The following SLC44A2 variants were observed in gnomAD, a reference collection of about 807,000 sequenced individuals.
SLC44A2 encodes the protein choline transporter-like protein 2.
In SLC44A2, 57 loss-of-function variants were observed where a neutral mutation model predicts 90.8. The ratio of observed to expected loss-of-function variants is 0.63; its 90% CI spans 0.51 to 0.78. SLC44A2 has a LOEUF of 0.78. SLC44A2 is among the 30% of genes least tolerant of loss of function. The pLI is 0.00. For synonymous variants in SLC44A2, 355 were observed against 360.7 expected (o/e 0.98, Z 0.18); for missense variants, 794 against 919.7 (o/e 0.86, Z 1.77).
chr19:10,638,554 C>T (rs1044728013), intron 20 of SLC44A2, among the ~76,000 whole-genome samples: 5 of 152,136 alleles, frequency 3.3e-5, no homozygotes, highest in African/African-American at 9.7e-5. Flanking sequence ...AGCGAATTCT[C>T]GAGCTTTTGC....
chr19:10,602,639 A>T, intron 1 of SLC44A2: 1 of 1,196,726 alleles, frequency 8.4e-7, no homozygotes, highest in Non-Finnish European at 1.1e-6. Context: ...GACATCTGAG[A>T]CCCTAGGCAC....
At chr19:10,641,861 GAA>G (rs893962170) in intron 20 of SLC44A2, among the ~76,000 whole-genome samples, 1 of 120,214 alleles carries the variant, frequency 8.3e-6, no homozygotes. Context: ...CTCAAAAAAA[GAA>G]AAAAAAAAAA....
intron 20 of SLC44A2, among the ~76,000 whole-genome samples, chr19:10,639,547 G>T (rs889407813): frequency 2.0e-5 from 3 of 152,062 alleles, no homozygotes; most frequent in Non-Finnish European, 4.4e-5. Context: ...GTGGGAGTGT[G>T]CCAGGAAGCA....
At position 10,636,734 on chromosome 19, in the gene SLC44A2, G is replaced by T; in HGVS notation, c.1569G>T (p.Glu523Asp). ...AIVQIIRVIL[E>D]YLDQRLKAAE... ...TGCAGATCATCCGTGTGATACTCGA[G>T]TACCTGGATCAGCGGCTGAAAGGTA... The change falls in exon 16 of 22, where the codon GAG becomes GAT. Residue 523 changes from glutamate to aspartate, a missense_variant. Around this residue, in one of 3 missense-constraint regions of SLC44A2, gnomAD observed 738 missense variants for 841.1 expected, o/e 0.88. Coordinates refer to ENST00000335757, the MANE Select transcript of SLC44A2 (RefSeq NM_020428.4). 1 of 1,613,970 alleles carries T rather than the reference G, an allele frequency of 6.2e-7. No individual in the cohort carries two copies. The highest frequency in any genetic ancestry group is 1.1e-5 in the South Asian group (1 of 91,044).
chr19:10,637,461 G>C, intron 16 of SLC44A2, 183 bp from the exon 17 acceptor site: 1 of 602,388 alleles, frequency 1.7e-6, no homozygotes, highest in Non-Finnish European at 3.0e-6. Flanking sequence ...ACCCAGGCTG[G>C]AGTGCAGTGG....
At position 10,632,290 on chromosome 19, in the gene SLC44A2, A is replaced by G. The variant is rs1022055097; in HGVS notation, c.823+134A>G. 7.1e-6 allele frequency: 5 copies of G among 704,170 alleles called. No individual in the cohort carries two copies. In the East Asian group the frequency reaches 1.1e-4, roughly 16 times the overall value. 43.6% of individuals were successfully genotyped at this position (704,170 alleles called of 1,614,324 possible). On this transcript the variant is annotated intron_variant, in intron 10 of 21. Coordinates refer to ENST00000335757, the MANE Select transcript of SLC44A2 (RefSeq NM_020428.4). ...GGTGGCTCACGCCTGTAATCCCAGC[A>G]CTTTGGGAGGCCGAGGCAGGCAGAT... is the stretch of plus-strand genomic sequence containing the variant.
chr19:10,636,974 G>C, intron 16 of SLC44A2: 1 of 566,268 alleles, frequency 1.8e-6, no homozygotes. Context: ...GCTGTTGAGG[G>C]GACAGGCCCA....
Position 10,634,876 on chromosome 19 carries a change from G to A in SLC44A2, c.944G>A (p.Trp315Ter). 1 of 1,614,188 alleles carries A rather than the reference G, an allele frequency of 6.2e-7. No homozygotes were observed. ...GTGTACCTGCACTTACGGCAGACCTGGTTGGCCTTTAGTGAGTCACAGTCT... is the reference window on the plus strand; with the variant it reads ...GTGTACCTGCACTTACGGCAGACCTAGTTGGCCTTTAGTGAGTCACAGTCT... ...FRVYLHLRQT[W>*]LAFMIILSIL... Residue 315 changes from tryptophan (W) to a stop codon, truncating the protein, a stop_gained, in exon 11 of 22, where the codon TGG (tryptophan) becomes TAG (stop). Transcript: ENST00000335757. LOFTEE classifies it high-confidence loss of function.
In SLC44A2 at chr19:10,643,579, A is replaced by T. The variant is rs1026409572; in HGVS notation, c.*194A>T. On this transcript the variant is annotated 3_prime_UTR_variant, in exon 22 of 22. Transcript: ENST00000335757. ...CCTTCTTATGCCAAGGGGCGCTTGGAGTTTTCATGGCTGCCCCTCCAGACT... is the reference window on the plus strand; with the variant it reads ...CCTTCTTATGCCAAGGGGCGCTTGGTGTTTTCATGGCTGCCCCTCCAGACT... The T allele has an allele frequency of 5.1e-6, 3 of 588,130 alleles. No homozygotes were observed. The highest frequency in any genetic ancestry group is 6.8e-5 in the Admixed American group (2 of 29,264). The allele number at this position is 588,130 out of a possible 1,614,324, so 36.4% of individuals were successfully genotyped here.
At position 10,626,233 on chromosome 19, in the gene SLC44A2, T is replaced by G. The variant is rs376560249; in HGVS notation, c.38-20T>G. 64 of 1,608,530 alleles carry G rather than the reference T, an allele frequency of 4.0e-5. No individual in the cohort carries two copies. In the African/African-American group the frequency reaches 8.1e-4, roughly 20 times the overall value. ...GTTCAGGTCTCCAATCCCATCCATC[T>G]TAATCTTCTTGACTTTCAGGAACGC... On this transcript the variant is annotated intron_variant, in intron 1 of 21. Coordinates refer to ENST00000335757, the MANE Select transcript of SLC44A2 (RefSeq NM_020428.4).
Position 10,634,753 on chromosome 19 carries a change from C to T in SLC44A2, c.824-3C>T. ...GGACTGAGCTTGTGGTTCCCCCATGCAGGAATATTTCACTGCTACATGGAG... is the reference window on the plus strand; with the variant it reads ...GGACTGAGCTTGTGGTTCCCCCATGTAGGAATATTTCACTGCTACATGGAG... On this transcript the variant is annotated splice_polypyrimidine_tract_variant and splice_region_variant and intron_variant, in intron 10 of 21. Transcript: ENST00000335757. 1 of 1,614,172 alleles carries T rather than the reference C, an allele frequency of 6.2e-7. No homozygotes were observed. Among genetic ancestry groups the T allele is most frequent in the Non-Finnish European group, 8.5e-7 (1 of 1,180,026 alleles).
At chr19:10,605,178 C>T (rs573705835) in intron 1 of SLC44A2, among the ~76,000 whole-genome samples, 2 of 151,858 alleles carry the variant, frequency 1.3e-5, no homozygotes, top group African/African-American at 2.4e-5. Flanking sequence ...GTCAGGAGAT[C>T]GAGACAATCC....
At chr19:10,633,603 G>T (rs945145572) in intron 10 of SLC44A2, among the ~76,000 whole-genome samples, 2 of 152,046 alleles carry the variant, frequency 1.3e-5, no homozygotes, top group Non-Finnish European at 2.9e-5. Flanking sequence ...CCACAGGCAA[G>T]CACCATCATG....
intron 5 of SLC44A2, 39 bp from the exon 6 acceptor site, chr19:10,631,236 G>A: frequency 1.2e-6 from 2 of 1,610,074 alleles, no homozygotes; most frequent in Non-Finnish European, 1.7e-6. Flanking sequence ...TGAGCAGTCT[G>A]CCCCAACTCC....
At position 10,635,173 on chromosome 19, in the gene SLC44A2, T is replaced by C; in HGVS notation, c.1066T>C (p.Tyr356His). 2 of 1,614,044 alleles carry C rather than the reference T, an allele frequency of 1.2e-6. No individual in the cohort carries two copies. The highest frequency in any genetic ancestry group is 1.7e-6 in the Non-Finnish European group (2 of 1,180,006). Residue 356 changes from tyrosine to histidine, a missense_variant, in exon 13 of 22, where the codon TAC (tyrosine) becomes CAC (histidine). By Grantham distance (83) the Tyr-to-His change is moderately conservative. Coordinates refer to ENST00000335757, the MANE Select transcript of SLC44A2 (RefSeq NM_020428.4). Reference sequence around the variant, plus strand: ...TCTGCTCTTCCCTAGGGCTGTGGGATACGTCATGTGCTCCTTGCTCTACCC... The same window carrying C: ...TCTGCTCTTCCCTAGGGCTGTGGGACACGTCATGTGCTCCTTGCTCTACCC... ...LIKEASRAVG[Y>H]VMCSLLYPLV... is the part of the protein sequence containing the mutation.
chr19:10,633,551 G>A (rs2067019732), intron 10 of SLC44A2, among the ~76,000 whole-genome samples: 2 of 152,080 alleles, frequency 1.3e-5, no homozygotes, highest in African/African-American at 4.8e-5. Context: ...GACCTCCTGG[G>A]CTCAAGTGAT....
intron 4 of SLC44A2, among the ~76,000 whole-genome samples, chr19:10,628,876 G>A (rs1440584556): frequency 6.6e-6 from 1 of 151,964 alleles, no homozygotes; most frequent in Non-Finnish European, 1.5e-5. Context: ...ACCCTCATGG[G>A]GCTATTTTGA....
intron 1 of SLC44A2, 97 bp from the exon 2 acceptor site, chr19:10,626,156 G>C (rs2066930924): frequency 2.0e-6 from 2 of 983,708 alleles, no homozygotes; most frequent in Admixed American, 3.6e-5. Flanking sequence ...TCTTGCCAAG[G>C]CAAAGACACC....
At chr19:10,625,764 A>G (rs2144839820) in intron 1 of SLC44A2, 94 bp downstream of exon 1, 1 of 1,092,590 alleles carries the variant, frequency 9.2e-7, no homozygotes, top group Non-Finnish European at 1.2e-6. Context: ...AGGGGGCTGG[A>G]GGGGGAGCGC....
Sources: allele counts gnomAD v4.1 joint callset (sites outside exome capture counted in the v4.1 genomes callset), GRCh38; gene constraint gnomAD v4.1.1; regional missense constraint gnomAD v4.1.1; transcripts MANE v1.5; gene names NCBI Gene and HGNC (gene_info 2026-07-23, HGNC 2026-07-21).